SLC8A1: variants seen among roughly 807,000 people sequenced by gnomAD.
SLC8A1 encodes sodium/calcium exchanger 1.
In SLC8A1, 18 loss-of-function variants were observed where a neutral mutation model predicts 68.3. The ratio of observed to expected loss-of-function variants is 0.26; its 90% confidence interval spans 0.18 to 0.39. The LOEUF is 0.39. SLC8A1 is among the 10% of genes least tolerant of loss of function. The pLI is 1.00. For missense variants in SLC8A1, 985 were observed against 1,156.7 expected (o/e 0.85, Z 2.15); for synonymous variants, 475 against 415.5 (o/e 1.14, Z -1.74).
chr2:40,413,880 T>C (rs746772396), intron 2 of SLC8A1, among the ~76,000 whole-genome samples: 3 of 152,172 alleles, frequency 2.0e-5, no homozygotes, highest in Non-Finnish European at 4.4e-5. Context: ...GTTGACCCAT[T>C]GCAAGCACAT....
chr2:40,367,207 A>T (rs187069113), intron 2 of SLC8A1, among the ~76,000 whole-genome samples: 3 of 152,166 alleles, frequency 2.0e-5, no homozygotes, highest in African/African-American at 7.2e-5. Context: ...TTAATCAGGC[A>T]GATGGCATCC....
At position 40,226,791 on chromosome 2, in the gene SLC8A1, G is replaced by A. The variant is rs190810125; in HGVS notation, c.1809-48936C>T. ...CTAAAAGATTACTTGGTAGCTTTTAGTATAATCCTGAAATTAGTTAATGGA... is the reference window on the plus strand; with the variant it reads ...CTAAAAGATTACTTGGTAGCTTTTAATATAATCCTGAAATTAGTTAATGGA... On this transcript the variant is annotated intron_variant, in intron 2 of 7. Transcript: ENST00000406785. Among the ~76,000 whole-genome samples the A allele has an allele frequency of 1.7e-4, 26 of 152,260 alleles. No individual in the cohort carries two copies. In the East Asian group the frequency reaches 1.7e-3, roughly 10 times the overall value.
At chr2:40,222,204 G>A (rs958858859) in intron 2 of SLC8A1, among the ~76,000 whole-genome samples, 3 of 151,834 alleles carry the variant, frequency 2.0e-5, no homozygotes, top group African/African-American at 7.3e-5. Context: ...CAGAACAGAG[G>A]CCTCAGAAAT....
chr2:40,362,965 A>G (rs556175882), intron 2 of SLC8A1, among the ~76,000 whole-genome samples: 1 of 152,230 alleles, frequency 6.6e-6, no homozygotes, highest in East Asian at 1.9e-4. Flanking sequence ...AGTTCTGACT[A>G]AATGTCCTTT....
chr2:40,416,493 C>T (rs1053729350), intron 2 of SLC8A1, among the ~76,000 whole-genome samples: 1 of 152,156 alleles, frequency 6.6e-6, no homozygotes, highest in Non-Finnish European at 1.5e-5. Flanking sequence ...TCACACTTTA[C>T]TCTAAATCTT....
At chr2:40,129,259 T>A (rs1281313674) in intron 7 of SLC8A1, among the ~76,000 whole-genome samples, 2 of 150,592 alleles carry the variant, frequency 1.3e-5, no homozygotes, top group Non-Finnish European at 3.0e-5. Context: ...TGAGACAGTG[T>A]CACACTCTGT....
At chr2:40,133,519 C>T (rs970998224) in intron 7 of SLC8A1, among the ~76,000 whole-genome samples, 11 of 151,696 alleles carry the variant, frequency 7.3e-5, no homozygotes, top group African/African-American at 2.2e-4. Context: ...ATAGGAAGGA[C>T]ACAGAAAATC....
rs1168489387 is a variant in SLC8A1 at position 40,385,253 on chromosome 2, T to A, written c.1808+43220A>T. Among the ~76,000 whole-genome samples, 4 of 152,040 alleles carry A rather than the reference T, an allele frequency of 2.6e-5. No individual in the cohort carries two copies. The East Asian group carries it at 7.8e-4, about 29-fold the overall frequency. Reference sequence around the variant, plus strand: ...TCCTAGTCTCGAGGAGGAAACTCCTTTTTTCTAATCAAGTTTTATAAGGAA... The same window carrying A: ...TCCTAGTCTCGAGGAGGAAACTCCTATTTTCTAATCAAGTTTTATAAGGAA... On this transcript the variant is annotated intron_variant, in intron 2 of 7. Coordinates refer to ENST00000406785, the Ensembl canonical transcript of SLC8A1.
At chr2:40,107,430 T>C (rs1387830132) in exon 8 of SLC8A1, 3 of 151,972 alleles carry the variant, frequency 2.0e-5, no homozygotes, top group South Asian at 4.1e-4. Flanking sequence ...TCCAGAGCTT[T>C]TTTCAACACT....
intron 6 of SLC8A1, among the ~76,000 whole-genome samples, chr2:40,151,631 A>C (rs1035648245): frequency 2.6e-5 from 4 of 152,232 alleles, no homozygotes; most frequent in African/African-American, 9.6e-5. Flanking sequence ...GGATGCTTTT[A>C]GTCACCTGAG....
intron 2 of SLC8A1, among the ~76,000 whole-genome samples, chr2:40,185,478 G>T (rs2050528107): frequency 6.6e-6 from 1 of 152,150 alleles, no homozygotes; most frequent in Non-Finnish European, 1.5e-5. Flanking sequence ...CTAAGTGAAA[G>T]AACCCAGACA....
At chr2:40,328,601 C>T (rs1166148616) in intron 2 of SLC8A1, among the ~76,000 whole-genome samples, 1 of 152,226 alleles carries the variant, frequency 6.6e-6, no homozygotes, top group East Asian at 1.9e-4. Context: ...ACATTTTCCA[C>T]TGCCTCTTAC....
chr2:40,211,522 A>C (rs2056585725), intron 2 of SLC8A1, among the ~76,000 whole-genome samples: 1 of 152,230 alleles, frequency 6.6e-6, no homozygotes, highest in African/African-American at 2.4e-5. Context: ...TAAGTGGTTG[A>C]AAAAGGCATC....
At chr2:40,106,017 CAATAATT>C (rs2034174968) in exon 8 of SLC8A1, 1 of 152,174 alleles carries the variant, frequency 6.6e-6, no homozygotes, top group Non-Finnish European at 1.5e-5. Context: ...TCCCATGTCT[CAATAATT>C]AACACATCTT....
intron 1 of SLC8A1, among the ~76,000 whole-genome samples, chr2:40,430,642 A>T (rs1301623458): frequency 2.6e-5 from 4 of 152,214 alleles, no homozygotes. Flanking sequence ...TTAAACACAC[A>T]TTTATGCATG....
intron 2 of SLC8A1, among the ~76,000 whole-genome samples, chr2:40,210,457 C>T (rs758909027): frequency 2.0e-5 from 3 of 152,136 alleles, no homozygotes; most frequent in Non-Finnish European, 4.4e-5. Flanking sequence ...ACTGGCATGA[C>T]TTTTAAACAG....
chr2:40,485,007 A>C (rs1704866879), intron 1 of SLC8A1, among the ~76,000 whole-genome samples: 1 of 152,180 alleles, frequency 6.6e-6, no homozygotes. Flanking sequence ...GACATCTGCT[A>C]AATTCAAAGA....
At chr2:40,394,150 G>A (rs778852003) in intron 2 of SLC8A1, among the ~76,000 whole-genome samples, 2 of 151,966 alleles carry the variant, frequency 1.3e-5, no homozygotes, top group African/African-American at 2.4e-5. Context: ...AAATGTCAAC[G>A]GAGCTTAAAA....
At chr2:40,205,696 G>C (rs1463342688) in intron 2 of SLC8A1, among the ~76,000 whole-genome samples, 1 of 151,340 alleles carries the variant, frequency 6.6e-6, no homozygotes, top group Non-Finnish European at 1.5e-5. Context: ...TAACTAATGG[G>C]TACTAGGCTT....
Sources: gnomAD v4.1 joint callset for allele counts (sites outside exome capture counted in the v4.1 genomes callset) on GRCh38, gnomAD v4.1.1 for gene constraint, MANE v1.5 for transcripts, NCBI Gene and HGNC (gene_info 2026-07-23, HGNC 2026-07-21) for gene names.